CNTN6: variants seen among roughly 807,000 people sequenced by gnomAD.
The protein encoded by CNTN6 is contactin-6.
In CNTN6, 137 loss-of-function variants were observed where a neutral mutation model predicts 122.8. The observed-to-expected ratio is 1.12, with a 90% CI of 0.97 to 1.29. CNTN6 has a LOEUF of 1.29. Ranked by LOEUF, CNTN6 falls within the 50% of genes most tolerant of loss-of-function variation. The pLI, the probability that CNTN6 is intolerant of heterozygous loss-of-function variation, is 0.00. For missense variants in CNTN6, 1,634 were observed against 1,223.4 expected, an observed-to-expected ratio of 1.34 and a Z score of -5.01; for synonymous variants, 570 against 426.0, an observed-to-expected ratio of 1.34 and a Z score of -4.16.
At chr3:1,119,410 A>G (rs918337113) in intron 1 of CNTN6, among the ~76,000 whole-genome samples, 1 of 148,256 alleles carries the variant, frequency 6.7e-6, no homozygotes, top group Non-Finnish European at 1.5e-5. Context: ...TAAAAACTCT[A>G]TGATTACCAT....
chr3:1,340,632 C>G (rs1032754615), intron 11 of CNTN6, among the ~76,000 whole-genome samples: 2 of 152,114 alleles, frequency 1.3e-5, no homozygotes, highest in Non-Finnish European at 2.9e-5. Flanking sequence ...TTAAAGTTAG[C>G]AGACAAAGAG....
intron 12 of CNTN6, 79 bp downstream of exon 12, chr3:1,352,530 C>T (rs1052976694): frequency 2.0e-6 from 3 of 1,518,258 alleles, no homozygotes; most frequent in Non-Finnish European, 1.8e-6. Context: ...TGGTGTCAAA[C>T]CTGTACCATA....
chr3:1,388,222 G>C (rs1347633692), intron 20 of CNTN6, among the ~76,000 whole-genome samples: 1 of 149,534 alleles, frequency 6.7e-6, no homozygotes, highest in African/African-American at 2.5e-5. Flanking sequence ...TCTGAGAACT[G>C]GCACACTGCC....
intron 4 of CNTN6, among the ~76,000 whole-genome samples, chr3:1,277,470 A>G (rs1347940435): frequency 1.4e-5 from 2 of 145,840 alleles, no homozygotes; most frequent in African/African-American, 5.1e-5. Flanking sequence ...AGCAATTCTC[A>G]TGCCTCAGCC....
chr3:1,229,207 A>C (rs991141672), intron 4 of CNTN6, among the ~76,000 whole-genome samples: 4 of 152,220 alleles, frequency 2.6e-5, no homozygotes, highest in Non-Finnish European at 4.4e-5. Flanking sequence ...AAATATTTAT[A>C]ACACTTGATT....
At chr3:1,337,394 T>C (rs1401402268) in intron 11 of CNTN6, among the ~76,000 whole-genome samples, 1 of 152,116 alleles carries the variant, frequency 6.6e-6, no homozygotes, top group Non-Finnish European at 1.5e-5. Context: ...GCTTTTGCCT[T>C]TACCCCCAAG....
chr3:1,229,691 C>T (rs2094329849), intron 4 of CNTN6, among the ~76,000 whole-genome samples: 1 of 152,064 alleles, frequency 6.6e-6, no homozygotes, highest in Non-Finnish European at 1.5e-5. Context: ...TTTGTTTATG[C>T]CATATCAGAA....
At chr3:1,386,676 A>AAATC (rs1171224483) in intron 20 of CNTN6, among the ~76,000 whole-genome samples, 10 of 152,080 alleles carry the variant, frequency 6.6e-5, no homozygotes, top group Non-Finnish European at 1.5e-4. Flanking sequence ...ATTATTCATA[A>AAATC]AATCAGACTT....
intron 1 of CNTN6, among the ~76,000 whole-genome samples, chr3:1,142,520 A>T (rs2092631473): frequency 6.6e-6 from 1 of 152,186 alleles, no homozygotes; most frequent in Non-Finnish European, 1.5e-5. Flanking sequence ...ATCCTTTAAC[A>T]GAAATCTTCA....
intron 1 of CNTN6, among the ~76,000 whole-genome samples, chr3:1,145,561 T>C (rs536603178): frequency 6.6e-5 from 10 of 152,216 alleles, no homozygotes; most frequent in African/African-American, 2.2e-4. Flanking sequence ...CTGAGGCTTT[T>C]TTGAGAAAAA....
rs1169940297 is a variant in CNTN6, at chr3:1,191,158, T to G, written c.56-29529T>G. On this transcript the variant is annotated intron_variant, in intron 2 of 22. Transcript: ENST00000446702. ...TGAGCATCTTTTGTCCTAGTATTTG[T>G]TTTTTGTCCCTGGTTCCTGACACAG... Among the ~76,000 whole-genome samples the G allele has an allele frequency of 2.0e-5, 3 of 152,182 alleles. No individual in the cohort carries two copies. In the East Asian group the frequency reaches 5.8e-4, roughly 30 times the overall value.
Position 1,401,552 on chromosome 3 carries a change from T to G in CNTN6, c.2817+7T>G, listed in dbSNP as rs2126262556. ...TGAAGTTTTGGGGTACAAGGTGAGT[T>G]TTTAGTTTTTCCTTTAATCATATCA... On this transcript the variant is annotated splice_region_variant and intron_variant, in intron 21 of 22. Transcript: ENST00000446702. 6.3e-7 allele frequency: 1 copy of G among 1,590,958 alleles called. No individual in the cohort carries two copies. The highest frequency in any genetic ancestry group is 8.6e-7 in the Non-Finnish European group (1 of 1,163,026).
chr3:1,101,515 C>A (rs1379463113), intron 1 of CNTN6, among the ~76,000 whole-genome samples: 1 of 152,182 alleles, frequency 6.6e-6, no homozygotes, highest in Non-Finnish European at 1.5e-5. Flanking sequence ...CGCTTTCCAT[C>A]ATTTAGAAAG....
chr3:1,309,995 C>T (rs1002979294), intron 7 of CNTN6, among the ~76,000 whole-genome samples: 6 of 152,030 alleles, frequency 3.9e-5, no homozygotes, highest in African/African-American at 1.4e-4. Flanking sequence ...ATCTTGTTGC[C>T]TTGCTATAAG....
At chr3:1,275,521 A>C (rs1185161020) in intron 4 of CNTN6, among the ~76,000 whole-genome samples, 2 of 152,162 alleles carry the variant, frequency 1.3e-5, no homozygotes, top group African/African-American at 2.4e-5. Context: ...ACTCCTAGAC[A>C]ACTGTCCACC....
chr3:1,383,055 G>C lies in CNTN6; in HGVS notation c.2280G>C (p.Arg760Ser), dbSNP rs754634386. 3 of 1,614,004 alleles carry C rather than the reference G, an allele frequency of 1.9e-6. No individual in the cohort carries two copies. Among genetic ancestry groups the C allele is most frequent in the South Asian group, 1.1e-5 (1 of 91,072 alleles). The stretch of plus-strand genomic sequence containing the variant: ...AAGTGTCATCTGTGGAATCATCAAG[G>C]TTTGTCTACAGAAATGAAAGCATCA... The part of the protein sequence containing the change: ...KEKVSSVESS[R>S]FVYRNESIIP... The change falls in exon 18 of 23, where the codon AGG becomes AGC. Residue 760 changes from arginine (R) to serine (S), a missense_variant. By Grantham distance (110) the Arg-to-Ser change is moderately radical. Transcript: ENST00000446702.
chr3:1,289,762 A>C (rs1201721522), intron 5 of CNTN6, among the ~76,000 whole-genome samples: 10 of 148,822 alleles, frequency 6.7e-5, no homozygotes, highest in Non-Finnish European at 8.9e-5. Context: ...GCAAACTCCA[A>C]CTCCCGGGTT....
At chr3:1,345,883 A>G (rs1704610787) in intron 11 of CNTN6, among the ~76,000 whole-genome samples, 1 of 152,166 alleles carries the variant, frequency 6.6e-6, no homozygotes, top group Non-Finnish European at 1.5e-5. Flanking sequence ...TTATCTTTAG[A>G]CAGAACTGGA....
intron 11 of CNTN6, among the ~76,000 whole-genome samples, chr3:1,341,231 T>TAC (rs1703847385): frequency 6.6e-6 from 1 of 152,024 alleles, no homozygotes; most frequent in South Asian, 2.1e-4. Flanking sequence ...CATTCACACA[T>TAC]TTTTGTGTCC....
Sources: allele counts gnomAD v4.1 joint callset (sites outside exome capture counted in the v4.1 genomes callset), GRCh38; gene constraint gnomAD v4.1.1; transcripts MANE v1.5; gene names NCBI Gene and HGNC (gene_info 2026-07-23, HGNC 2026-07-21).